Variants in NCKAP5L observed in about 807,000 individuals in gnomAD.
The protein encoded by NCKAP5L is NCK associated protein 5 like, also known as nck-associated protein 5-like.
In NCKAP5L, 54 loss-of-function variants were observed where a neutral mutation model predicts 103.2. The ratio of observed to expected loss-of-function variants is 0.52; its 90% confidence interval spans 0.42 to 0.66. The LOEUF (loss-of-function observed/expected upper bound fraction) is 0.66, where lower values mean the gene tolerates loss of function less well. Among genes scored for constraint, NCKAP5L ranks in the 30% least tolerant of loss-of-function variants. The pLI is 0.00. For missense variants in NCKAP5L, 1,733 were observed against 1,750.6 expected (o/e 0.99, Z 0.18); for synonymous variants, 762 against 748.6 (o/e 1.02, Z -0.29).
intron 1 of NCKAP5L, among the ~76,000 whole-genome samples, chr12:49,811,496 G>A (rs1946239717): frequency 6.6e-6 from 1 of 151,828 alleles, no homozygotes; most frequent in South Asian, 2.1e-4. Context: ...TGAGTTGCCT[G>A]CTCCCGGGCA....
At chr12:49,820,944 G>A (rs1946354496) in intron 1 of NCKAP5L, among the ~76,000 whole-genome samples, 2 of 152,184 alleles carry the variant, frequency 1.3e-5, no homozygotes, top group African/African-American at 2.4e-5. Context: ...ATGGGGGTGA[G>A]CCCTCTGACT....
Position 49,796,127 on chromosome 12 carries a change from G to A in NCKAP5L, c.1733C>T (p.Pro578Leu), listed in dbSNP as rs762692388. The change falls in exon 8 of 13, where the codon CCA (proline) becomes CTA (leucine). Residue 578 changes from proline (P) to leucine (L), a missense_variant. Transcript: ENST00000335999. Reference sequence around the variant, plus strand: ...CTGTGGGTAGGTGGGCACCTGCAGTGGGGATGGAGGTGGCTCTGGGGAAGG... The same window carrying A: ...CTGTGGGTAGGTGGGCACCTGCAGTAGGGATGGAGGTGGCTCTGGGGAAGG... Reference protein sequence around the residue: ...RGPSPEPPPSPLQVPTYPQLT... With the variant: ...RGPSPEPPPSLLQVPTYPQLT... The A allele has an allele frequency of 1.9e-6, 3 of 1,611,338 alleles. No individual in the cohort carries two copies. The highest frequency in any genetic ancestry group is 2.5e-6 in the Non-Finnish European group (3 of 1,179,038).
At chr12:49,810,951 T>C (rs995627405) in intron 1 of NCKAP5L, among the ~76,000 whole-genome samples, 1 of 152,026 alleles carries the variant, frequency 6.6e-6, no homozygotes, top group African/African-American at 2.4e-5. Context: ...TGCTGTCCAG[T>C]AGAACTTTCT....
chr12:49,823,911 G>C (rs1260840875), intron 1 of NCKAP5L, among the ~76,000 whole-genome samples: 1 of 152,216 alleles, frequency 6.6e-6, no homozygotes, highest in Non-Finnish European at 1.5e-5. Context: ...ACACTGGCTG[G>C]GAAACTGAGG....
At position 49,792,295 on chromosome 12, in the gene NCKAP5L, G is replaced by A. The variant is rs1046060057; in HGVS notation, c.3792+151C>T. ...TGCAAGGAGGGCAGTGGGGAGGGCC[G>A]CTCACAGGGCATCCCAGGGGTCCTC... On this transcript the variant is annotated intron_variant, in intron 12 of 12. Transcript: ENST00000335999. The surrounding 1 kb of genome is among the most constrained non-coding windows in gnomAD (Gnocchi z 4.5). 1.1e-5 allele frequency: 16 copies of A among 1,472,100 alleles called. No homozygotes were observed. The highest frequency in any genetic ancestry group is 9.8e-5 in the African/African-American group (7 of 71,672). 91.2% of individuals were successfully genotyped at this position (1,472,100 alleles called of 1,614,324 possible). A position where few individuals can be genotyped will look rare whatever the true frequency, so the allele number is the denominator to read the frequency against.
rs569641492 is a variant in NCKAP5L, at chr12:49,797,342, G to A, written c.518C>T (p.Pro173Leu). The A allele has an allele frequency of 2.6e-4, 426 of 1,611,728 alleles. 4 individuals carry two copies. The highest frequency in any genetic ancestry group is 2.3e-3 in the South Asian group (208 of 90,910). ...GGATAGGGCATCCAGCGCTGGGGGTGGGGCGGCTGGGGGGCCTGGGCCTCC... is the reference window on the plus strand; with the variant it reads ...GGATAGGGCATCCAGCGCTGGGGGTAGGGCGGCTGGGGGGCCTGGGCCTCC... ...RPGGPGPPAA[P>L]PPALDALSPF... Residue 173 changes from proline to leucine, a missense_variant, in exon 8 of 13, where the codon CCA becomes CTA. By Grantham distance (98) the Pro-to-Leu change is moderately conservative. Coordinates refer to ENST00000335999, the MANE Select transcript of NCKAP5L (RefSeq NM_001037806.4). This position sits in a 1 kb window ranked among gnomAD's most constrained non-coding sequence, Gnocchi z 4.5.
chr12:49,824,281 G>A (rs1946391787), intron 1 of NCKAP5L, among the ~76,000 whole-genome samples: 1 of 152,218 alleles, frequency 6.6e-6, no homozygotes, highest in Admixed American at 6.5e-5. Flanking sequence ...CACAGGGTAA[G>A]TGAGTGCTCA....
rs906668814 is a variant in NCKAP5L, at chr12:49,802,808, T to A, written c.231+150A>T. 3 of 842,640 alleles carry A rather than the reference T, an allele frequency of 3.6e-6. No individual in the cohort carries two copies. In the African/African-American group the frequency reaches 5.1e-5, roughly 14 times the overall value. 52.2% of individuals were successfully genotyped at this position (842,640 alleles called of 1,614,324 possible). A position where few individuals can be genotyped will look rare whatever the true frequency, so the allele number is the denominator to read the frequency against. ...CTGGCCTTACCTAGTCCCACCTCTG[T>A]CTCTAGGTAGAACAGAATGGACCCG... On this transcript the variant is annotated intron_variant, in intron 5 of 12. Transcript: ENST00000335999.
At chr12:49,816,314 CAGAAAGAAGGTT>C (rs1946294996) in intron 1 of NCKAP5L, among the ~76,000 whole-genome samples, 1 of 152,054 alleles carries the variant, frequency 6.6e-6, no homozygotes, top group Admixed American at 6.6e-5. Context: ...TCCTTCTCAT[CAGAAAGAAGGTT>C]AGAAAGAAGG....
rs1212705177 is a variant in NCKAP5L, at chr12:49,791,843, C to T, written c.4001G>A (p.Gly1334Asp). The T allele has an allele frequency of 6.2e-7, 1 of 1,601,112 alleles. No homozygotes were observed. The highest frequency in any genetic ancestry group is 8.5e-7 in the Non-Finnish European group (1 of 1,172,930). Residue 1334 changes from glycine to aspartate, a missense_variant, in exon 13 of 13, where the codon GGC becomes GAC. Gly to Asp is a moderately conservative substitution (Grantham distance 94). Transcript: ENST00000335999. The part of the protein sequence containing the change: ...YDSLSSCGSQ[G>D] ...GCCGTGGCGTGGCGCAGCCCCTCAG[C>T]CCTGACTCCCACAAGAGGACAGCGA...
In NCKAP5L at chr12:49,796,694, T is replaced by C; in HGVS notation, c.1166A>G (p.His389Arg). The change falls in exon 8 of 13, where the codon CAC (histidine) becomes CGC (arginine). Residue 389 changes from histidine (H) to arginine (R), a missense_variant. Transcript: ENST00000335999. ...SAWGGGTPEAHRPGFGATSEG... is the reference protein window; with the variant it reads ...SAWGGGTPEARRPGFGATSEG... ...TGAGGTAGCACCGAAGCCTGGCCTG[T>C]GGGCCTCTGGGGTACCCCCACCCCA... 6.3e-7 allele frequency: 1 copy of C among 1,594,118 alleles called. No individual in the cohort carries two copies. Among genetic ancestry groups the C allele is most frequent in the African/African-American group, 1.3e-5 (1 of 74,198 alleles).
intron 1 of NCKAP5L, among the ~76,000 whole-genome samples, chr12:49,811,744 G>A (rs1288098223): frequency 6.6e-6 from 1 of 152,038 alleles, no homozygotes; most frequent in African/African-American, 2.4e-5. Flanking sequence ...CTGCACTCCA[G>A]CCTGGGCGAC....
intron 1 of NCKAP5L, among the ~76,000 whole-genome samples, chr12:49,827,554 G>C (rs1379464093): frequency 1.3e-5 from 2 of 152,190 alleles, no homozygotes; most frequent in African/African-American, 4.8e-5. Context: ...TTCTTAGTTG[G>C]GCTAAGCCAG....
chr12:49,816,992 G>A (rs978864017), intron 1 of NCKAP5L, among the ~76,000 whole-genome samples: 1 of 151,822 alleles, frequency 6.6e-6, no homozygotes, highest in South Asian at 2.1e-4. Flanking sequence ...AGTCTATAGG[G>A]GACATAAGAC....
chr12:49,808,326 A>C (rs1345127295), intron 1 of NCKAP5L, among the ~76,000 whole-genome samples: 1 of 152,172 alleles, frequency 6.6e-6, no homozygotes, highest in Non-Finnish European at 1.5e-5. Context: ...TTCAGGAGAA[A>C]TACTTTCTGG....
intron 1 of NCKAP5L, among the ~76,000 whole-genome samples, chr12:49,814,729 A>G (rs1330680456): frequency 6.6e-6 from 1 of 152,142 alleles, no homozygotes; most frequent in African/African-American, 2.4e-5. Context: ...TAGCAGAACA[A>G]TTTTTAGAAA....
Position 49,796,706 on chromosome 12 carries a change from G to A in NCKAP5L, c.1154C>T (p.Thr385Ile). The A allele has an allele frequency of 6.2e-7, 1 of 1,601,372 alleles. No individual in the cohort carries two copies. The highest frequency in any genetic ancestry group is 2.2e-5 in the East Asian group (1 of 44,726). Reference protein sequence around the residue: ...GLPKSAWGGGTPEAHRPGFGA... With the variant: ...GLPKSAWGGGIPEAHRPGFGA... ...GAAGCCTGGCCTGTGGGCCTCTGGG[G>A]TACCCCCACCCCAAGCTGACTTGGG... is the stretch of plus-strand genomic sequence containing the variant. The change falls in exon 8 of 13, where the codon ACC becomes ATC. Residue 385 changes from threonine to isoleucine, a missense_variant. Thr to Ile is a moderately conservative substitution (Grantham distance 89). Transcript: ENST00000335999.
intron 6 of NCKAP5L, among the ~76,000 whole-genome samples, chr12:49,799,374 A>G (rs1946093941): frequency 2.7e-5 from 4 of 150,868 alleles, no homozygotes; most frequent in Middle Eastern, 3.4e-3. Flanking sequence ...CAGTGGCACG[A>G]CTGTAGCTCA....
rs1251498187 is a variant in NCKAP5L at position 49,803,902 on chromosome 12, T to C, written c.123+20A>G. 1 of 1,601,714 alleles carries C rather than the reference T, an allele frequency of 6.2e-7. No homozygotes were observed. The highest frequency in any genetic ancestry group is 1.7e-5 in the Admixed American group (1 of 59,952). On this transcript the variant is annotated intron_variant, in intron 3 of 12. Transcript: ENST00000335999. ...GGGCTCTGGCTGGCACTGCTGCCCC[T>C]ACCACGCCCCATGCCGCACCTCCAG... is the stretch of plus-strand genomic sequence containing the variant.
Sources: allele counts gnomAD v4.1 joint callset (sites outside exome capture counted in the v4.1 genomes callset), GRCh38; gene constraint gnomAD v4.1.1; non-coding constraint Gnocchi (gnomAD v3.1); transcripts MANE v1.5; gene names NCBI Gene and HGNC (gene_info 2026-07-23, HGNC 2026-07-21).